Variants in CLSTN1 observed in about 807,000 individuals in gnomAD.
The protein encoded by CLSTN1 is calsyntenin-1.
In CLSTN1, 28 loss-of-function variants were observed where a neutral mutation model predicts 108.3. The observed-to-expected ratio is 0.26, with a 90% CI of 0.19 to 0.35. The LOEUF (loss-of-function observed/expected upper bound fraction) is 0.35. Among genes scored for constraint, CLSTN1 ranks in the 10% least tolerant of loss-of-function variants. The pLI, the probability that CLSTN1 is intolerant of heterozygous loss-of-function variation, is 1.00. For synonymous variants in CLSTN1, 524 were observed against 534.9 expected (o/e 0.98, Z 0.28); for missense variants, 1,157 against 1,302.6 (o/e 0.89, Z 1.72).
intron 1 of CLSTN1, among the ~76,000 whole-genome samples, chr1:9,796,186 T>C (rs1218437534): frequency 1.4e-5 from 2 of 146,084 alleles, no homozygotes; most frequent in African/African-American, 2.5e-5. Context: ...TGCTTGAACC[T>C]AGGAGGCAGA....
At chr1:9,754,506 C>A (rs957017846) in intron 4 of CLSTN1, among the ~76,000 whole-genome samples, 1 of 152,032 alleles carries the variant, frequency 6.6e-6, no homozygotes, top group Non-Finnish European at 1.5e-5. Flanking sequence ...TTCCAATGAG[C>A]CAAGATCGTG....
At chr1:9,816,183 G>C (rs1456785975) in intron 1 of CLSTN1, among the ~76,000 whole-genome samples, 1 of 152,144 alleles carries the variant, frequency 6.6e-6, no homozygotes, top group Non-Finnish European at 1.5e-5. Context: ...CCTATGAAAA[G>C]AAACGAAGTC....
chr1:9,795,445 C>G (rs1256620194), intron 1 of CLSTN1, among the ~76,000 whole-genome samples: 1 of 151,224 alleles, frequency 6.6e-6, no homozygotes, highest in Non-Finnish European at 1.5e-5. Flanking sequence ...GGATTATAGG[C>G]ATAAGCCACC....
At chr1:9,733,016 C>G (rs1314155378) in intron 16 of CLSTN1, among the ~76,000 whole-genome samples, 1 of 151,884 alleles carries the variant, frequency 6.6e-6, no homozygotes, top group Non-Finnish European at 1.5e-5. Flanking sequence ...CATAGTGAGA[C>G]CTCGTCTCTA....
At chr1:9,741,069 G>A (rs372025087) in intron 10 of CLSTN1, 25 bp downstream of exon 10, 21 of 1,604,182 alleles carry the variant, frequency 1.3e-5, no homozygotes, top group African/African-American at 4.0e-5. Flanking sequence ...TTCTCGAGTC[G>A]AGGGCGGGGG....
chr1:9,743,435 G>A (rs1651079914), intron 9 of CLSTN1, among the ~76,000 whole-genome samples: 1 of 152,148 alleles, frequency 6.6e-6, no homozygotes, highest in African/African-American at 2.4e-5. Context: ...TGGGTGTGGT[G>A]GCATGTGTCT....
Position 9,786,600 on chromosome 1 carries a change from G to GCACA in CLSTN1, c.92-13207_92-13206insTGTG, listed in dbSNP as rs1325924955. On this transcript the variant is annotated intron_variant, in intron 1 of 18. Coordinates refer to ENST00000377298, the MANE Select transcript of CLSTN1 (RefSeq NM_001009566.3). ...GGAGGTTGCAGTGAGCTGAGATTGTGCTATTGCACTCCACTGCAGCCTGGC... is the reference window on the plus strand; with the variant it reads ...GGAGGTTGCAGTGAGCTGAGATTGTGCACACTATTGCACTCCACTGCAGCCTGGC... Among the ~76,000 whole-genome samples the GCACA allele has an allele frequency of 2.1e-4, 28 of 131,644 alleles. No homozygotes were observed. The South Asian group carries it at 2.3e-3, about 11-fold the overall frequency. The allele number at this position is 131,644 out of a possible 152,430, so 86.4% of individuals were successfully genotyped here.
chr1:9,730,842 G>A lies in CLSTN1; in HGVS notation c.2749-137C>T, dbSNP rs879922270. ...TCCCCAGCGACAGAGCAGCCAGGAC[G>A]GCACCGGAAGTTATATTAGAAGTGA... is the stretch of plus-strand genomic sequence containing the variant. On this transcript the variant is annotated intron_variant, in intron 18 of 18. Transcript: ENST00000377298. The surrounding 1 kb of genome is among the most constrained non-coding windows in gnomAD (Gnocchi z 5.6). 29 of 808,688 alleles carry A rather than the reference G, an allele frequency of 3.6e-5. No individual in the cohort carries two copies. The highest frequency in any genetic ancestry group is 4.9e-5 in the South Asian group (3 of 60,704). 50.1% of individuals were successfully genotyped at this position (808,688 alleles called of 1,614,324 possible). A position where few individuals can be genotyped will look rare whatever the true frequency, so the allele number is the denominator to read the frequency against.
In CLSTN1 at chr1:9,735,319, G is replaced by A. The variant is rs997828133; in HGVS notation, c.1884-145C>T. On this transcript the variant is annotated intron_variant, in intron 13 of 18. Coordinates refer to ENST00000377298, the MANE Select transcript of CLSTN1 (RefSeq NM_001009566.3). ...AGGAACACACTTGCAAACAAGATGC[G>A]TAAATATCACTCAGCTCTCTGCCCC... is the stretch of plus-strand genomic sequence containing the variant. 35 of 1,376,976 alleles carry A rather than the reference G, an allele frequency of 2.5e-5. No homozygotes were observed. In the African/African-American group the frequency reaches 3.4e-4, roughly 14 times the overall value. The allele number at this position is 1,376,976 out of a possible 1,614,324, so 85.3% of individuals were successfully genotyped here.
chr1:9,732,240 C>T (rs947682892), intron 16 of CLSTN1, among the ~76,000 whole-genome samples: 3 of 152,060 alleles, frequency 2.0e-5, no homozygotes, highest in Non-Finnish European at 4.4e-5. Context: ...CGGGCTGGAG[C>T]GCAGTAGCTA....
In CLSTN1 at chr1:9,735,113, G is replaced by T. The variant is rs748307565; in HGVS notation, c.1945C>A (p.Gln649Lys). The T allele has an allele frequency of 6.2e-6, 10 of 1,614,252 alleles. No homozygotes were observed. The South Asian group carries it at 8.8e-5, about 14-fold the overall frequency. ...PPVDGYVMVL[Q>K]PEEPKISLSG... ...AGGCTGATCTTGGGCTCCTCGGGCT[G>T]TAAAACCATCACGTAGCCATCTACC... The change falls in exon 14 of 19, where the codon CAG (glutamine) becomes AAG (lysine). Residue 649 changes from glutamine (Q) to lysine (K), a missense_variant. Coordinates refer to ENST00000377298, the MANE Select transcript of CLSTN1 (RefSeq NM_001009566.3).
chr1:9,737,624 A>G, intron 10 of CLSTN1, 70 bp from the exon 11 acceptor site: 1 of 1,425,722 alleles, frequency 7.0e-7, no homozygotes, highest in Non-Finnish European at 9.9e-7. Flanking sequence ...GGACCTTGAA[A>G]ACCAGGTTTG....
chr1:9,808,072 C>G (rs1654581734), intron 1 of CLSTN1, among the ~76,000 whole-genome samples: 1 of 152,228 alleles, frequency 6.6e-6, no homozygotes, highest in African/African-American at 2.4e-5. Context: ...TACAGAATGA[C>G]AGCAGTCCCT....
chr1:9,762,970 C>CT (rs1405369056), intron 2 of CLSTN1, among the ~76,000 whole-genome samples: 4 of 149,724 alleles, frequency 2.7e-5, no homozygotes, highest in Non-Finnish European at 3.0e-5. Flanking sequence ...CTTTTTTTTT[C>CT]TTTTTTTTGG....
At position 9,730,581 on chromosome 1, in the gene CLSTN1, C is replaced by CT. The variant is rs1557686982; in HGVS notation, c.2872_2873insA (p.Gly958GlufsTer19). ...TGCGTTCTGGGGGTCGCCCTGCTCC[C>CT]CCTCCTCCTCCTCGCTGCTCTCCGA... is the stretch of plus-strand genomic sequence containing the variant. On this transcript the variant is annotated frameshift_variant, in exon 19 of 19. Coordinates refer to ENST00000377298, the MANE Select transcript of CLSTN1 (RefSeq NM_001009566.3). LOFTEE classifies it high-confidence loss of function. The surrounding 1 kb of genome is among the most constrained non-coding windows in gnomAD (Gnocchi z 5.6). 6.2e-7 allele frequency: 1 copy of CT among 1,609,194 alleles called. No individual in the cohort carries two copies.
intron 1 of CLSTN1, chr1:9,781,026 C>T (rs927757018): frequency 2.0e-6 from 1 of 508,204 alleles, no homozygotes; most frequent in Non-Finnish European, 3.5e-6. Context: ...GAGCATTTCA[C>T]ATTTCAGGTT....
intron 1 of CLSTN1, among the ~76,000 whole-genome samples, chr1:9,805,764 G>A (rs1654478146): frequency 6.6e-6 from 1 of 151,534 alleles, no homozygotes; most frequent in African/African-American, 2.4e-5. Context: ...CTACTCAGGA[G>A]GCTGAGGCAG....
intron 9 of CLSTN1, among the ~76,000 whole-genome samples, chr1:9,741,634 G>A (rs539346573): frequency 9.3e-4 from 141 of 152,310 alleles, no homozygotes; most frequent in Non-Finnish European, 1.4e-3. Context: ...CCTTTAGGCC[G>A]GGCGCAGTGG....
At position 9,749,450 on chromosome 1, in the gene CLSTN1, G is replaced by C; in HGVS notation, c.985+11C>G. 1 of 1,595,642 alleles carries C rather than the reference G, an allele frequency of 6.3e-7. No individual in the cohort carries two copies. Among genetic ancestry groups the C allele is most frequent in the Admixed American group, 1.9e-5 (1 of 53,670 alleles). On this transcript the variant is annotated intron_variant, in intron 7 of 18. Coordinates refer to ENST00000377298, the MANE Select transcript of CLSTN1 (RefSeq NM_001009566.3). ...AAGCCAGCCGGATGCAAGAACGCCT[G>C]GTCTCCTTACCACAGAGCCGGTGGA...
Sources: gnomAD v4.1 joint callset for allele counts (sites outside exome capture counted in the v4.1 genomes callset) on GRCh38, gnomAD v4.1.1 for gene constraint, Gnocchi (gnomAD v3.1) non-coding constraint, MANE v1.5 for transcripts, NCBI Gene and HGNC (gene_info 2026-07-23, HGNC 2026-07-21) for gene names.